FSTL4: variants seen among roughly 807,000 people sequenced by gnomAD.
FSTL4 encodes the protein follistatin-related protein 4.
FSTL4 carries 28 observed loss-of-function variants against 78.2 expected under a neutral mutation model. The ratio of observed to expected loss-of-function variants is 0.36; its 90% CI spans 0.27 to 0.49. FSTL4 has a LOEUF of 0.49. Among genes scored for constraint, FSTL4 ranks in the 20% least tolerant of loss-of-function variants. FSTL4 has a pLI of 0.98. For synonymous variants in FSTL4, 422 were observed against 440.5 expected (o/e 0.96, Z 0.53); for missense variants, 922 against 1,084.9 (o/e 0.85, Z 2.11).
At chr5:133,202,480 G>A (rs1345633455) in intron 14 of FSTL4, 2 of 152,958 alleles carry the variant, frequency 1.3e-5, no homozygotes, top group Non-Finnish European at 2.9e-5. Flanking sequence ...GCTAGGGAAA[G>A]TGGGAGAGGG....
At chr5:133,716,576 C>T in the FSTL4 span, among the ~76,000 whole-genome samples, 2 of 152,074 alleles carry the variant, frequency 1.3e-5, no homozygotes, top group African/African-American at 4.8e-5. Flanking sequence ...TAACTTTTGT[C>T]ATTTAATCAC....
chr5:133,824,284 G>A, the FSTL4 span, among the ~76,000 whole-genome samples: 1 of 152,198 alleles, frequency 6.6e-6, no homozygotes, highest in Non-Finnish European at 1.5e-5. Context: ...ATAAATGAGG[G>A]TTCCCACAGC....
intron 3 of FSTL4, among the ~76,000 whole-genome samples, chr5:133,412,829 T>C (rs1448131624): frequency 1.3e-5 from 2 of 152,200 alleles, no homozygotes; most frequent in East Asian, 3.8e-4. Flanking sequence ...TCACACTCTA[T>C]GTACTCATCA....
At chr5:133,614,276 C>G (rs912994372), upstream of FSTL4, among the ~76,000 whole-genome samples, 11 of 152,120 alleles carry the variant, frequency 7.2e-5, no homozygotes, top group African/African-American at 2.7e-4. Flanking sequence ...AACTCAAGGT[C>G]ATATGTAAAT....
At chr5:133,397,523 T>C (rs920785967) in intron 4 of FSTL4, among the ~76,000 whole-genome samples, 1 of 152,252 alleles carries the variant, frequency 6.6e-6, no homozygotes, top group Non-Finnish European at 1.5e-5. Flanking sequence ...CCCATTGCCA[T>C]AGCAACTGGA....
intron 3 of FSTL4, among the ~76,000 whole-genome samples, chr5:133,538,077 A>G (rs1759389426): frequency 1.3e-5 from 2 of 151,778 alleles, no homozygotes; most frequent in African/African-American, 2.4e-5. Context: ...CACAGTCCAT[A>G]TTCAATTTTT....
chr5:133,355,573 T>C (rs1301440229), intron 4 of FSTL4, among the ~76,000 whole-genome samples: 7 of 152,126 alleles, frequency 4.6e-5, no homozygotes, highest in African/African-American at 1.4e-4. Flanking sequence ...GGAGAATTGC[T>C]TGAACCTGGG....
At position 133,499,369 on chromosome 5, in the gene FSTL4, T is replaced by TACACACACACACAC. The variant is rs57363602; in HGVS notation, c.160+67803_160+67816dup. Among the ~76,000 whole-genome samples, 140 of 126,790 alleles carry TACACACACACACAC rather than the reference T, an allele frequency of 1.1e-3. 2 individuals are homozygous for TACACACACACACAC. Among genetic ancestry groups the TACACACACACACAC allele is most frequent in the East Asian group, 4.6e-3 (18 of 3,888 alleles). 83.2% of individuals were successfully genotyped at this position (126,790 alleles called of 152,430 possible). A position where few individuals can be genotyped will look rare whatever the true frequency, so the allele number is the denominator to read the frequency against. ...CCCCTAGTAAGTAACACAAGGGGAA[T>TACACACACACACAC]ACACACACACACACACACACACACA... is the stretch of plus-strand genomic sequence containing the variant. On this transcript the variant is annotated intron_variant, in intron 3 of 15. Coordinates refer to ENST00000265342, the MANE Select transcript of FSTL4 (RefSeq NM_015082.2).
At position 133,593,043 on chromosome 5, in the gene FSTL4, T is replaced by G. The variant is rs74657242; in HGVS notation, c.126+10815A>C. Among the ~76,000 whole-genome samples, 749 of 152,196 alleles carry G rather than the reference T, an allele frequency of 4.9e-3. 5 individuals are homozygous for G. Among genetic ancestry groups the G allele is most frequent in the African/African-American group, 0.017 (706 of 41,528 alleles). On this transcript the variant is annotated intron_variant, in intron 2 of 15. Transcript: ENST00000265342. Reference sequence around the variant, plus strand: ...AATAAGACCTCCAATAGGACAGTTTTGGCCACCGGGGTGGTAGTGTCACAT... The same window carrying G: ...AATAAGACCTCCAATAGGACAGTTTGGGCCACCGGGGTGGTAGTGTCACAT...
intron 6 of FSTL4, among the ~76,000 whole-genome samples, chr5:133,255,014 C>T (rs1752350864): frequency 6.6e-6 from 1 of 152,218 alleles, no homozygotes. Context: ...TAGGGGGCAA[C>T]GAGTGGTCCT....
In FSTL4 at chr5:133,517,510, C is replaced by CACAA. The variant is rs1491432421; in HGVS notation, c.160+49675_160+49676insTTGT. ...ACACACACACACACACACACACACA[C>CACAA]AAACTGAAAGCATAATAATACTAAA... On this transcript the variant is annotated intron_variant, in intron 3 of 15. Transcript: ENST00000265342. 5.7e-3 allele frequency among the ~76,000 whole-genome samples: 681 copies of CACAA among 118,456 alleles called. 8 individuals carry two copies. Among genetic ancestry groups the CACAA allele is most frequent in the Middle Eastern group, 0.022 (5 of 230 alleles). The allele number at this position is 118,456 out of a possible 152,430, so 77.7% of individuals were successfully genotyped here.
At chr5:133,571,194 G>T (rs1760146724) in intron 2 of FSTL4, among the ~76,000 whole-genome samples, 2 of 152,052 alleles carry the variant, frequency 1.3e-5, no homozygotes, top group Non-Finnish European at 2.9e-5. Flanking sequence ...CCAAGAAATA[G>T]TCGCCCTGAC....
chr5:133,438,246 A>G (rs551007995), intron 3 of FSTL4, among the ~76,000 whole-genome samples: 329 of 152,352 alleles, frequency 2.2e-3, no homozygotes, highest in Middle Eastern at 0.01. Context: ...TTGGATCATA[A>G]TCTTTTGTCC....
intron 3 of FSTL4, among the ~76,000 whole-genome samples, chr5:133,522,334 A>G (rs557903514): frequency 1.3e-5 from 2 of 152,368 alleles, no homozygotes; most frequent in Admixed American, 6.5e-5. Context: ...CCAAGAAAAT[A>G]TTAAACAGTT....
intron 6 of FSTL4, among the ~76,000 whole-genome samples, chr5:133,284,577 C>T (rs1753085375): frequency 6.6e-6 from 1 of 151,728 alleles, no homozygotes; most frequent in African/African-American, 2.4e-5. Context: ...TCAACCTGTG[C>T]AGACACAGCC....
At chr5:133,216,675 T>A (rs1391708832) in intron 13 of FSTL4, among the ~76,000 whole-genome samples, 1 of 152,250 alleles carries the variant, frequency 6.6e-6, no homozygotes, top group African/African-American at 2.4e-5. Context: ...ACCACCAGGT[T>A]GATTCTTTAA....
chr5:133,815,209 G>T, the FSTL4 span, among the ~76,000 whole-genome samples: 1 of 152,244 alleles, frequency 6.6e-6, no homozygotes, highest in Non-Finnish European at 1.5e-5. Flanking sequence ...AAAAGAGTGA[G>T]CTCCTGTAGC....
At chr5:133,388,104 C>T (rs1755749244) in intron 4 of FSTL4, 1 of 152,210 alleles carries the variant, frequency 6.6e-6, no homozygotes, top group African/African-American at 2.4e-5. Context: ...TCATCATTTA[C>T]CCTTTGCAAT....
chr5:133,398,071 C>T (rs1277227262), intron 4 of FSTL4, among the ~76,000 whole-genome samples: 7 of 152,158 alleles, frequency 4.6e-5, no homozygotes, highest in South Asian at 2.1e-4. Flanking sequence ...CAGAGGTTCC[C>T]GACAGAGCCT....
Sources: gnomAD v4.1 joint callset for allele counts (sites outside exome capture counted in the v4.1 genomes callset) on GRCh38, gnomAD v4.1.1 for gene constraint, MANE v1.5 for transcripts, NCBI Gene and HGNC (gene_info 2026-07-23, HGNC 2026-07-21) for gene names.